SH3KBP1: variants seen among roughly 807,000 people sequenced by gnomAD.
SH3KBP1 encodes the protein SH3 domain-containing kinase-binding protein 1.
SH3KBP1 carries 8 observed loss-of-function variants against 50.1 expected under a neutral mutation model. That is an observed-to-expected ratio of 0.16 (90% CI 0.09 to 0.29). The LOEUF is 0.29. Among genes scored for constraint, SH3KBP1 ranks in the 10% least tolerant of loss-of-function variants. The probability of loss-of-function intolerance (pLI) is 1.00; values close to 1 mark genes in which losing one functional copy is unlikely to be tolerated. For missense variants in SH3KBP1, 377 were observed against 535.2 expected (o/e 0.70, Z 2.92); for synonymous variants, 227 against 218.6 (o/e 1.04, Z -0.34).
chrX:19,537,236 C>A (rs1017618500), intron 17 of SH3KBP1, among the ~76,000 whole-genome samples: 2 of 111,154 alleles, frequency 1.8e-5, no homozygotes, highest in African/African-American at 6.5e-5. Context: ...GCAGGAGGAT[C>A]ACCTGAGGTC....
At position 19,828,019 on chromosome X, in the gene SH3KBP1, CCG is replaced by C. The variant is rs772691532; in HGVS notation, c.162+8104_162+8105del. Among the ~76,000 whole-genome samples the C allele has an allele frequency of 9.1e-5, 10 of 110,170 alleles. No homozygotes were observed. In the East Asian group the frequency reaches 2.8e-3, roughly 31 times the overall value. ...TTTAATAAACACTCCCCCCCATCCC[CCG>C]CCAGGAGGGTCACCTGACTCTGAAA... On this transcript the variant is annotated intron_variant, in intron 2 of 17. Coordinates refer to ENST00000397821, the MANE Select transcript of SH3KBP1 (RefSeq NM_031892.3).
intron 2 of SH3KBP1, among the ~76,000 whole-genome samples, chrX:19,788,131 C>T (rs192483414): frequency 4.7e-4 from 51 of 109,473 alleles, no homozygotes; most frequent in African/African-American, 1.6e-3. Flanking sequence ...GGGATGGGAG[C>T]TGTGGCTCAC....
In SH3KBP1 at chrX:19,818,677, G is replaced by A. The variant is rs148755856; in HGVS notation, c.162+17448C>T. On this transcript the variant is annotated intron_variant, in intron 2 of 17. Transcript: ENST00000397821. ...TTTTCATCAATTGATCTGATTATGCGATTTGATTTTTTCTCCCATAGCGTG... is the reference window on the plus strand; with the variant it reads ...TTTTCATCAATTGATCTGATTATGCAATTTGATTTTTTCTCCCATAGCGTG... 8.2e-3 allele frequency among the ~76,000 whole-genome samples: 919 copies of A among 111,698 alleles called. 10 individuals carry two copies. Among genetic ancestry groups the A allele is most frequent in the African/African-American group, 0.028 (853 of 30,732 alleles).
chrX:19,769,734 G>A (rs1039102407), intron 2 of SH3KBP1, among the ~76,000 whole-genome samples: 2 of 110,158 alleles, frequency 1.8e-5, no homozygotes, highest in African/African-American at 6.6e-5. Context: ...TTTTAACTCC[G>A]GATTTTCTCT....
At chrX:19,623,078 G>T (rs1381716840) in intron 8 of SH3KBP1, among the ~76,000 whole-genome samples, 5 of 106,787 alleles carry the variant, frequency 4.7e-5, no homozygotes, top group Non-Finnish European at 9.7e-5. Context: ...GAGGATTTTG[G>T]TACTCTCTCC....
At chrX:19,554,935 C>G (rs995781538) in intron 13 of SH3KBP1, among the ~76,000 whole-genome samples, 1 of 113,006 alleles carries the variant, frequency 8.8e-6, no homozygotes, top group Non-Finnish European at 1.9e-5. Flanking sequence ...TGTCACATCA[C>G]TTTTCAGAGG....
At chrX:19,868,700 G>A (rs1485588525) in intron 1 of SH3KBP1, among the ~76,000 whole-genome samples, 1 of 102,991 alleles carries the variant, frequency 9.7e-6, no homozygotes, top group East Asian at 3.3e-4. Flanking sequence ...TTCAACTCAC[G>A]ATGGGTTTAT....
chrX:19,679,311 T>C (rs1228894723), intron 6 of SH3KBP1, among the ~76,000 whole-genome samples: 4 of 112,240 alleles, frequency 3.6e-5, no homozygotes, highest in African/African-American at 1.3e-4. Flanking sequence ...ACTGAGCATA[T>C]TTAGTGAGCA....
chrX:19,874,068 A>AAAATATATAT (rs1491537486), intron 1 of SH3KBP1, among the ~76,000 whole-genome samples: 1 of 57,045 alleles, frequency 1.8e-5, no homozygotes, highest in African/African-American at 1.6e-4. Context: ...AAAAAAAAAA[A>AAAATATATAT]ATATATATAT....
At chrX:19,633,911 T>C (rs2061634596) in intron 7 of SH3KBP1, among the ~76,000 whole-genome samples, 1 of 111,095 alleles carries the variant, frequency 9.0e-6, no homozygotes, top group Non-Finnish European at 1.9e-5. Context: ...GCAAATAATG[T>C]TAATCTCACT....
At chrX:19,713,255 T>C (rs1267156300) in intron 3 of SH3KBP1, among the ~76,000 whole-genome samples, 2 of 109,892 alleles carry the variant, frequency 1.8e-5, no homozygotes, top group Non-Finnish European at 3.8e-5. Flanking sequence ...CTCATCTGAT[T>C]TTTTTCTTAA....
intron 1 of SH3KBP1, among the ~76,000 whole-genome samples, chrX:19,842,898 T>C (rs932239301): frequency 1.8e-5 from 2 of 110,648 alleles, no homozygotes; most frequent in East Asian, 5.7e-4. Flanking sequence ...CCTTCCACCC[T>C]ATAAACTACC....
intron 2 of SH3KBP1, among the ~76,000 whole-genome samples, chrX:19,814,060 G>T (rs1006354648): frequency 9.1e-6 from 1 of 110,115 alleles, no homozygotes; most frequent in Non-Finnish European, 1.9e-5. Context: ...CCTATCTCTA[G>T]CCTGGACCTG....
rs751930427 is a variant in SH3KBP1 at position 19,674,108 on chromosome X, A to T, written c.726+9715T>A. Reference sequence around the variant, plus strand: ...TAGTCTTTCCCCTTACATTATAATGACTTTTATACATACCCCCTTTCTCTC... The same window carrying T: ...TAGTCTTTCCCCTTACATTATAATGTCTTTTATACATACCCCCTTTCTCTC... On this transcript the variant is annotated intron_variant, in intron 6 of 17. Coordinates refer to ENST00000397821, the MANE Select transcript of SH3KBP1 (RefSeq NM_031892.3). Among the ~76,000 whole-genome samples, 20 of 111,698 alleles carry T rather than the reference A, an allele frequency of 1.8e-4. No homozygotes were observed. In the East Asian group the frequency reaches 2.2e-3, roughly 13 times the overall value.
intron 3 of SH3KBP1, among the ~76,000 whole-genome samples, chrX:19,721,742 T>A (rs2064064927): frequency 9.0e-6 from 1 of 111,672 alleles, no homozygotes; most frequent in South Asian, 3.7e-4. Context: ...CTCACACCTA[T>A]AATTCCAGCA....
At chrX:19,648,969 G>C (rs1167653527) in intron 6 of SH3KBP1, among the ~76,000 whole-genome samples, 1 of 111,721 alleles carries the variant, frequency 9.0e-6, no homozygotes, top group Non-Finnish European at 1.9e-5. Context: ...CCTCATGAAC[G>C]CAATGTCTAG....
chrX:19,663,096 T>C (rs1282631283), intron 6 of SH3KBP1, among the ~76,000 whole-genome samples: 1 of 111,387 alleles, frequency 9.0e-6, no homozygotes, highest in African/African-American at 3.3e-5. Flanking sequence ...TCTGAATAAA[T>C]GGTAAGTCTT....
At chrX:19,876,559 G>C (rs748532303) in intron 1 of SH3KBP1, among the ~76,000 whole-genome samples, 30 of 111,056 alleles carry the variant, frequency 2.7e-4, no homozygotes, top group African/African-American at 6.2e-4. Flanking sequence ...ACATCTCCGG[G>C]GGGGAGAAAA....
intron 8 of SH3KBP1, among the ~76,000 whole-genome samples, chrX:19,614,292 T>C (rs919941851): frequency 6.2e-5 from 7 of 112,987 alleles, no homozygotes; most frequent in Non-Finnish European, 1.1e-4. Flanking sequence ...AGCGACTCCC[T>C]GACATACAAC....
Sources: gnomAD v4.1 joint callset for allele counts (sites outside exome capture counted in the v4.1 genomes callset) on GRCh38, gnomAD v4.1.1 for gene constraint, MANE v1.5 for transcripts, NCBI Gene and HGNC (gene_info 2026-07-23, HGNC 2026-07-21) for gene names.